The following ZER1 variants were observed in gnomAD, a reference collection of about 807,000 sequenced individuals.
ZER1 encodes protein zer-1 homolog.
Under a neutral mutation model 78.8 loss-of-function variants are expected in ZER1, and 11 were observed. The ratio of observed to expected loss-of-function variants is 0.14; its 90% confidence interval spans 0.09 to 0.23. The LOEUF (loss-of-function observed/expected upper bound fraction) is 0.23. Among genes scored for constraint, ZER1 ranks in the 10% least tolerant of loss-of-function variants. The pLI, the probability that ZER1 is intolerant of heterozygous loss-of-function variation, is 1.00. For missense variants in ZER1, 588 were observed against 996.9 expected, an observed-to-expected ratio of 0.59 and a Z score of 5.52; for synonymous variants, 400 against 407.0, an observed-to-expected ratio of 0.98 and a Z score of 0.21.
rs1718895829 is a variant in ZER1 at position 128,769,928 on chromosome 9, G to GT, written c.-95+1652dup. Among the ~76,000 whole-genome samples the GT allele has an allele frequency of 2.0e-5, 3 of 152,174 alleles. No homozygotes were observed. In the South Asian group the frequency reaches 6.2e-4, roughly 31 times the overall value. ...GCCATTTGTCATCTAAAACAAATCT[G>GT]TATTTTCTCCAACCACCAGACACTT... On this transcript the variant is annotated intron_variant, in intron 1 of 15. Coordinates refer to ENST00000291900, the MANE Select transcript of ZER1 (RefSeq NM_006336.4).
rs564551013 is a variant in ZER1 at position 128,754,228 on chromosome 9, C to T, written c.159-269G>A. On this transcript the variant is annotated intron_variant, in intron 2 of 15. Coordinates refer to ENST00000291900, the MANE Select transcript of ZER1 (RefSeq NM_006336.4). The surrounding 1 kb of genome is among the most constrained non-coding windows in gnomAD (Gnocchi z 4.3). ...GCACATGCCTGTCACACAGCCTCCA[C>T]GCACGCACACTGCAGGGGCAGCAGC... Among the ~76,000 whole-genome samples, 9 of 152,314 alleles carry T rather than the reference C, an allele frequency of 5.9e-5. No homozygotes were observed. The East Asian group carries it at 1.4e-3, about 23-fold the overall frequency.
At position 128,755,370 on chromosome 9, in the gene ZER1, T is replaced by C. The variant is rs780863605; in HGVS notation, c.158+38A>G. The C allele has an allele frequency of 6.2e-7, 1 of 1,611,232 alleles. No homozygotes were observed. The highest frequency in any genetic ancestry group is 1.3e-5 in the African/African-American group (1 of 74,836). On this transcript the variant is annotated intron_variant, in intron 2 of 15. Coordinates refer to ENST00000291900, the MANE Select transcript of ZER1 (RefSeq NM_006336.4). The surrounding 1 kb of genome is among the most constrained non-coding windows in gnomAD (Gnocchi z 5.6). ...CCAATCTCTCTATACACATTCATGG[T>C]AAGACCCCTGCCCCTCCTCAGCCCT... is the stretch of plus-strand genomic sequence containing the variant.
intron 5 of ZER1, among the ~76,000 whole-genome samples, chr9:128,752,245 C>T (rs557807581): frequency 6.6e-6 from 1 of 152,300 alleles, no homozygotes; most frequent in East Asian, 1.9e-4. Context: ...CACACAGCCT[C>T]CAAGAGGGCA....
chr9:128,749,327 G>C (rs572298683), intron 8 of ZER1, among the ~76,000 whole-genome samples: 7 of 151,672 alleles, frequency 4.6e-5, no homozygotes, highest in Admixed American at 2.6e-4. Context: ...ACTCCATCTC[G>C]AAAAAATAAA....
At chr9:128,731,441 G>GGGGC in intron 15 of ZER1, 47 bp from the exon 16 acceptor site, 2 of 704,914 alleles carry the variant, frequency 2.8e-6, no homozygotes, top group Non-Finnish European at 5.2e-6. Context: ...CTTGGGTGGG[G>GGGGC]GTGAGCCCAG....
chr9:128,755,327 C>T lies in ZER1; in HGVS notation c.158+81G>A. Reference sequence around the variant, plus strand: ...CATTCATCTCCATAGCTACTCCCCACATAGTGCACACACGGTCCCAATCTC... The same window carrying T: ...CATTCATCTCCATAGCTACTCCCCATATAGTGCACACACGGTCCCAATCTC... On this transcript the variant is annotated intron_variant, in intron 2 of 15. Transcript: ENST00000291900. This position sits in a 1 kb window ranked among gnomAD's most constrained non-coding sequence, Gnocchi z 5.6. 6.4e-7 allele frequency: 1 copy of T among 1,567,862 alleles called. No homozygotes were observed.
chr9:128,747,313 TGA>T (rs1863526241), intron 8 of ZER1, among the ~76,000 whole-genome samples: 1 of 152,168 alleles, frequency 6.6e-6, no homozygotes, highest in South Asian at 2.1e-4. Context: ...AAGCATTGCT[TGA>T]GAGAGCAAAA....
In ZER1 at chr9:128,741,787, AGACTT is replaced by A; in HGVS notation, c.1617+8_1617+12del. 6 of 1,614,154 alleles carry A rather than the reference AGACTT, an allele frequency of 3.7e-6. No homozygotes were observed. The highest frequency in any genetic ancestry group is 2.5e-6 in the Non-Finnish European group (3 of 1,180,022). On this transcript the variant is annotated splice_region_variant and intron_variant, in intron 10 of 15. Coordinates refer to ENST00000291900, the MANE Select transcript of ZER1 (RefSeq NM_006336.4). ...GGGAAAGGGTAGCGTGGCTTCGTGA[AGACTT>A]GACTTACTGTCTTGTCCAGCAGCTT...
At chr9:128,735,460 G>A (rs1863033821) in intron 13 of ZER1, 29 bp from the exon 14 acceptor site, 1 of 1,597,416 alleles carries the variant, frequency 6.3e-7, no homozygotes. Context: ...AGGTCACTGT[G>A]GATGCTGAGG....
intron 1 of ZER1, among the ~76,000 whole-genome samples, chr9:128,760,799 C>A (rs538285263): frequency 6.9e-6 from 1 of 145,430 alleles, no homozygotes; most frequent in East Asian, 2.3e-4. Flanking sequence ...GGCGACACAG[C>A]GAGACTCCGT....
At chr9:128,735,303 GTGTC>G in intron 14 of ZER1, 27 bp downstream of exon 14, 1 of 1,588,258 alleles carries the variant, frequency 6.3e-7, no homozygotes, top group Non-Finnish European at 8.6e-7. Flanking sequence ...AGCTGGATGA[GTGTC>G]TGAACCCAGG....
chr9:128,736,673 T>C (rs1053341356), intron 13 of ZER1, among the ~76,000 whole-genome samples: 7 of 114,230 alleles, frequency 6.1e-5, no homozygotes, highest in African/African-American at 1.7e-4. Flanking sequence ...ATGCCTGGCC[T>C]TTTTTTTTTT....
chr9:128,739,929 A>T lies in ZER1; in HGVS notation c.2042+2T>A. The T allele has an allele frequency of 6.2e-7, 1 of 1,603,810 alleles. No individual in the cohort carries two copies. The highest frequency in any genetic ancestry group is 1.1e-5 in the South Asian group (1 of 90,938). On this transcript the variant is annotated splice_donor_variant, in intron 13 of 15. Transcript: ENST00000291900. LOFTEE classifies it high-confidence loss of function. Reference sequence around the variant, plus strand: ...CATCCCCGCTCCCTGCCCTGCCCACACCTGTAATTGATGTTTCTCCGAGAG... The same window carrying T: ...CATCCCCGCTCCCTGCCCTGCCCACTCCTGTAATTGATGTTTCTCCGAGAG...
At chr9:128,770,231 C>A (rs1365486591) in intron 1 of ZER1, among the ~76,000 whole-genome samples, 1 of 152,152 alleles carries the variant, frequency 6.6e-6, no homozygotes, top group Non-Finnish European at 1.5e-5. Context: ...TCAAATAATT[C>A]TCCTGCCTCA....
In ZER1 at chr9:128,738,018, G is replaced by GT. The variant is rs1250736513; in HGVS notation, c.2042+1912dup. Among the ~76,000 whole-genome samples the GT allele has an allele frequency of 2.8e-3, 422 of 149,378 alleles. 2 individuals carry two copies. Among genetic ancestry groups the GT allele is most frequent in the African/African-American group, 8.8e-3 (360 of 40,758 alleles). ...GTGCCCGGCCCTGTTTTGTTTTCTTGTTTTTTTTATTCATTTTTATTTTTA... is the reference window on the plus strand; with the variant it reads ...GTGCCCGGCCCTGTTTTGTTTTCTTGTTTTTTTTTATTCATTTTTATTTTTA... On this transcript the variant is annotated intron_variant, in intron 13 of 15. Transcript: ENST00000291900.
intron 13 of ZER1, among the ~76,000 whole-genome samples, chr9:128,738,030 C>T (rs10739730): frequency 0.99 from 149,380 of 151,102 alleles, 73,850 homozygotes; most frequent in South Asian, 1. Flanking sequence ...TTTTTTTATT[C>T]ATTTTTATTT....
At position 128,753,617 on chromosome 9, in the gene ZER1, C is replaced by A. The variant is rs757577411; in HGVS notation, c.310-17G>T. On this transcript the variant is annotated splice_polypyrimidine_tract_variant and intron_variant, in intron 3 of 15. Transcript: ENST00000291900. The surrounding 1 kb of genome is among the most constrained non-coding windows in gnomAD (Gnocchi z 7.5). ...CACCAGGTCCTGGGAGTGGGCACAG[C>A]TCCATCATCATCACCACCCTTGCCC... The A allele has an allele frequency of 4.3e-6, 7 of 1,609,308 alleles. No homozygotes were observed. The highest frequency in any genetic ancestry group is 5.9e-6 in the Non-Finnish European group (7 of 1,177,702).
At chr9:128,736,076 G>C (rs1205739680) in intron 13 of ZER1, among the ~76,000 whole-genome samples, 3 of 151,814 alleles carry the variant, frequency 2.0e-5, no homozygotes, top group Admixed American at 6.6e-5. Context: ...AGCCTCCCGA[G>C]TAGCTGGGAC....
intron 8 of ZER1, among the ~76,000 whole-genome samples, chr9:128,743,876 GCCT>G (rs1328626743): frequency 7.1e-6 from 1 of 140,340 alleles, no homozygotes; most frequent in Non-Finnish European, 1.5e-5. Flanking sequence ...GATTACAGGC[GCCT>G]CCAATGGCCC....
Sources: allele counts gnomAD v4.1 joint callset (sites outside exome capture counted in the v4.1 genomes callset), GRCh38; gene constraint gnomAD v4.1.1; non-coding constraint Gnocchi (gnomAD v3.1); transcripts MANE v1.5; gene names NCBI Gene and HGNC (gene_info 2026-07-23, HGNC 2026-07-21).